Variants in PHTF1 observed in about 807,000 individuals in gnomAD.
PHTF1 encodes putative homeodomain transcription factor 1.
A neutral mutation model predicts 102.4 loss-of-function variants in PHTF1; 88 were observed. The ratio of observed to expected loss-of-function variants is 0.86; its 90% CI spans 0.72 to 1.03. PHTF1 has a LOEUF of 1.03. Ranked by LOEUF, PHTF1 falls within the 50% of genes least tolerant of loss-of-function variation. PHTF1 has a pLI of 0.00. For synonymous variants in PHTF1, 289 were observed against 305.2 expected (o/e 0.95, Z 0.55); for missense variants, 814 against 909.5 (o/e 0.89, Z 1.35).
chr1:113,719,860 G>A (rs1222112414), intron 7 of PHTF1, among the ~76,000 whole-genome samples: 3 of 152,172 alleles, frequency 2.0e-5, no homozygotes, highest in East Asian at 1.9e-4. Context: ...AGAAGAAGAG[G>A]TTTAATTGGA....
chr1:113,699,232 G>T, intron 17 of PHTF1: 1 of 233,644 alleles, frequency 4.3e-6, no homozygotes, highest in East Asian at 1.4e-4. Flanking sequence ...GGTAGTGTGA[G>T]TGTGAGGCTT....
intron 3 of PHTF1, among the ~76,000 whole-genome samples, chr1:113,750,624 C>T (rs1256583769): frequency 2.6e-5 from 4 of 151,754 alleles, no homozygotes; most frequent in South Asian, 4.2e-4. Context: ...TTTGGGAGGC[C>T]AAGGCAGGCA....
At chr1:113,748,733 A>G (rs1657581067) in intron 3 of PHTF1, among the ~76,000 whole-genome samples, 1 of 151,908 alleles carries the variant, frequency 6.6e-6, no homozygotes, top group African/African-American at 2.4e-5. Flanking sequence ...ACAGGGTATC[A>G]CCATGTTGCC....
chr1:113,706,291 T>C, intron 12 of PHTF1, 129 bp from the exon 13 acceptor site: 2 of 845,122 alleles, frequency 2.4e-6, no homozygotes, highest in Non-Finnish European at 3.6e-6. Context: ...GACATACAGA[T>C]TTATGACTTT....
Position 113,738,767 on chromosome 1 carries a change from G to A in PHTF1, c.135C>T (p.His45=). The change falls in exon 4 of 19, where the codon CAC becomes CAT. Residue 45 remains histidine, a synonymous_variant. Coordinates refer to ENST00000369604, the MANE Select transcript of PHTF1 (RefSeq NM_001323043.2). ...CAACGTCAATCAAGTCTGGCTTTAT[G>A]TGGCCCATCTTTTTCGGTTTGTTTT... ...GLKNKPKKMG[H]IKPDLIDVDL... is the part of the protein sequence containing the mutation. The A allele has an allele frequency of 6.2e-7, 1 of 1,604,670 alleles. No individual in the cohort carries two copies. The highest frequency in any genetic ancestry group is 8.5e-7 in the Non-Finnish European group (1 of 1,175,352).
chr1:113,745,323 AAAC>A lies in PHTF1; in HGVS notation c.103-6527_103-6525del, dbSNP rs1375376028. 5.3e-5 allele frequency among the ~76,000 whole-genome samples: 8 copies of A among 152,340 alleles called. No homozygotes were observed. The East Asian group carries it at 1.3e-3, about 26-fold the overall frequency. ...AATTTGTGTTAAAACAGAAACCAAA[AAAC>A]AACAACCTGGCTCTGCTATAAAGAA... On this transcript the variant is annotated intron_variant, in intron 3 of 18. Transcript: ENST00000369604.
chr1:113,747,214 T>A (rs543756772), intron 3 of PHTF1, among the ~76,000 whole-genome samples: 48 of 152,372 alleles, frequency 3.2e-4, no homozygotes, highest in African/African-American at 1.1e-3. Context: ...TTTAGAGGGT[T>A]ATAATTACAT....
At chr1:113,758,879 CA>C (rs962778012) in intron 1 of PHTF1, 143 bp downstream of exon 1, 262 of 1,213,142 alleles carry the variant, frequency 2.2e-4, no homozygotes, top group South Asian at 5.4e-4. Context: ...AACAAACAAA[CA>C]AAAAAAAACT....
In PHTF1 at chr1:113,711,750, C is replaced by T; in HGVS notation, c.1043G>A (p.Ser348Asn). 6.2e-7 allele frequency: 1 copy of T among 1,611,078 alleles called. No homozygotes were observed. Among genetic ancestry groups the T allele is most frequent in the Non-Finnish European group, 8.5e-7 (1 of 1,177,228 alleles). The change falls in exon 10 of 19, where the codon AGC (serine) becomes AAC (asparagine). Residue 348 changes from serine (S) to asparagine (N), a missense_variant. Physicochemically the swap from Ser to Asn is conservative, Grantham distance 46 (BLOSUM62 1). Transcript: ENST00000369604. ...AESEFESAAFSQGSRSGVSGG... is the reference protein window; with the variant it reads ...AESEFESAAFNQGSRSGVSGG... ...TTTCTCAAAGGGATACTTTACCTGG[C>T]TGAAGGCTGCTGATTCAAATTCTGA...
chr1:113,745,599 G>T (rs1657106485), intron 3 of PHTF1, among the ~76,000 whole-genome samples: 2 of 152,154 alleles, frequency 1.3e-5, no homozygotes, highest in Non-Finnish European at 2.9e-5. Flanking sequence ...AGCTTTATCT[G>T]TATTTACATC....
In PHTF1 at chr1:113,706,127, C is replaced by G. The variant is rs1451088059; in HGVS notation, c.1434G>C (p.Met478Ile). The G allele has an allele frequency of 3.1e-6, 5 of 1,613,744 alleles. No individual in the cohort carries two copies. The highest frequency in any genetic ancestry group is 4.2e-6 in the Non-Finnish European group (5 of 1,179,782). ...ATCCAATAGTGACAACATTTCCCAGCATCTGATAACCTACTCCTTGCTGAT... is the reference window on the plus strand; with the variant it reads ...ATCCAATAGTGACAACATTTCCCAGGATCTGATAACCTACTCCTTGCTGAT... Reference protein sequence around the residue: ...NAYQQGVGYQMLGNVVTIGLA... With the variant: ...NAYQQGVGYQILGNVVTIGLA... Residue 478 changes from methionine to isoleucine, a missense_variant, in exon 13 of 19, where the codon ATG becomes ATC. Coordinates refer to ENST00000369604, the MANE Select transcript of PHTF1 (RefSeq NM_001323043.2).
At chr1:113,726,370 A>T (rs1166868222) in intron 6 of PHTF1, 48 bp downstream of exon 6, 15 of 1,316,102 alleles carry the variant, frequency 1.1e-5, no homozygotes, top group Non-Finnish European at 1.6e-5. Flanking sequence ...AATCTCTACA[A>T]TAACTCTCCC....
chr1:113,712,965 G>A (rs571647189), intron 8 of PHTF1, among the ~76,000 whole-genome samples: 1 of 152,090 alleles, frequency 6.6e-6, no homozygotes, highest in East Asian at 1.9e-4. Flanking sequence ...CTAATTTTTT[G>A]TATTTTTAGT....
chr1:113,713,350 A>G lies in PHTF1; in HGVS notation c.712T>C (p.Cys238Arg), dbSNP rs1291556972. The change falls in exon 8 of 19, where the codon TGT becomes CGT. Residue 238 changes from cysteine to arginine, a missense_variant. Coordinates refer to ENST00000369604, the MANE Select transcript of PHTF1 (RefSeq NM_001323043.2). ...CVHPIIKRRQ[C>R]RPEIRMWQTR... is the part of the protein sequence containing the mutation. The stretch of plus-strand genomic sequence containing the variant: ...TGCCACATTCTAATCTCTGGTCGAC[A>G]TTGTCTCCTCTTAATGATAGGATGG... 11 of 1,612,322 alleles carry G rather than the reference A, an allele frequency of 6.8e-6. No homozygotes were observed. Among genetic ancestry groups the G allele is most frequent in the Non-Finnish European group, 9.3e-6 (11 of 1,178,500 alleles).
intron 5 of PHTF1, among the ~76,000 whole-genome samples, chr1:113,732,572 T>C (rs965927949): frequency 6.6e-6 from 1 of 152,096 alleles, no homozygotes; most frequent in Non-Finnish European, 1.5e-5. Context: ...CAGTGTGGCA[T>C]AGATATGAGA....
intron 11 of PHTF1, among the ~76,000 whole-genome samples, chr1:113,708,795 T>C (rs1166607241): frequency 6.6e-6 from 1 of 152,180 alleles, no homozygotes; most frequent in Non-Finnish European, 1.5e-5. Flanking sequence ...TATTCTTATA[T>C]ATGTCTTAAA....
intron 7 of PHTF1, among the ~76,000 whole-genome samples, chr1:113,717,423 A>G (rs1652230580): frequency 6.6e-6 from 1 of 152,134 alleles, no homozygotes; most frequent in Admixed American, 6.5e-5. Context: ...AAAGACATAG[A>G]GTGGCTTAAT....
Position 113,706,118 on chromosome 1 carries a change from A to T in PHTF1, c.1443T>A (p.Asn481Lys), listed in dbSNP as rs753648508. 1.2e-6 allele frequency: 2 copies of T among 1,613,780 alleles called. No individual in the cohort carries two copies. Among genetic ancestry groups the T allele is most frequent in the East Asian group, 4.5e-5 (2 of 44,884 alleles). The change falls in exon 13 of 19, where the codon AAT (asparagine) becomes AAA (lysine). Residue 481 changes from asparagine (N) to lysine (K), a missense_variant. By Grantham distance (94) the Asn-to-Lys change is moderately conservative. Coordinates refer to ENST00000369604, the MANE Select transcript of PHTF1 (RefSeq NM_001323043.2). ...AAAATGCTAATCCAATAGTGACAAC[A>T]TTTCCCAGCATCTGATAACCTACTC... Reference protein sequence around the residue: ...QQGVGYQMLGNVVTIGLAFFP... With the variant: ...QQGVGYQMLGKVVTIGLAFFP...
At chr1:113,706,833 C>A in intron 11 of PHTF1, 111 bp from the exon 12 acceptor site, 1 of 526,424 alleles carries the variant, frequency 1.9e-6, no homozygotes, top group Non-Finnish European at 3.3e-6. Context: ...CTCTATAATG[C>A]TGGTCCTTTC....
Sources: gnomAD v4.1 joint callset for allele counts (sites outside exome capture counted in the v4.1 genomes callset) on GRCh38, gnomAD v4.1.1 for gene constraint, MANE v1.5 for transcripts, NCBI Gene and HGNC (gene_info 2026-07-23, HGNC 2026-07-21) for gene names.